Variants in SRPK1 observed in about 807,000 individuals in gnomAD.
SRPK1 encodes the protein SRSF protein kinase 1.
SRPK1 carries 52 observed loss-of-function variants against 89.5 expected under a neutral mutation model. The ratio of observed to expected loss-of-function variants is 0.58; its 90% CI spans 0.46 to 0.73. SRPK1 has a LOEUF of 0.73. Among genes scored for constraint, SRPK1 ranks in the 30% least tolerant of loss-of-function variants. SRPK1 has a pLI of 0.00. For missense variants in SRPK1, 603 were observed against 780.6 expected (o/e 0.77, Z 2.71); for synonymous variants, 255 against 270.2 (o/e 0.94, Z 0.55).
chr6:35,869,538 T>G lies in SRPK1; in HGVS notation c.1355A>C (p.Glu452Ala). The change falls in exon 11 of 16, where the codon GAG becomes GCG. Residue 452 changes from glutamate (E) to alanine (A), a missense_variant. Coordinates refer to ENST00000373825, the MANE Select transcript of SRPK1 (RefSeq NM_003137.5). ...ISQLQESIRA[E>A]IPCEDEQEQE... ...CTCTTGTTCATCTTCACAGGGTATC[T>G]CTGCCCGAATGCTTTCTTGAAGTTG... 3 of 1,614,002 alleles carry G rather than the reference T, an allele frequency of 1.9e-6. No individual in the cohort carries two copies. Among genetic ancestry groups the G allele is most frequent in the Non-Finnish European group, 2.5e-6 (3 of 1,179,888 alleles).
At chr6:35,856,017 G>A (rs192391865) in intron 13 of SRPK1, among the ~76,000 whole-genome samples, 202 of 152,264 alleles carry the variant, frequency 1.3e-3, no homozygotes, top group Admixed American at 3.1e-3. Flanking sequence ...ACGAGCCACC[G>A]TGGCCAGCCC....
chr6:35,860,106 C>T (rs1315632598), intron 12 of SRPK1, among the ~76,000 whole-genome samples: 2 of 151,974 alleles, frequency 1.3e-5, no homozygotes, highest in African/African-American at 2.4e-5. Context: ...CCTCGTGATC[C>T]GCCTGCCTCG....
At chr6:35,836,272 T>C (rs993152568) in intron 15 of SRPK1, among the ~76,000 whole-genome samples, 1 of 151,856 alleles carries the variant, frequency 6.6e-6, no homozygotes, top group African/African-American at 2.4e-5. Flanking sequence ...CACAGTTTTA[T>C]CTCCAAACCA....
At chr6:35,838,245 C>T in intron 15 of SRPK1, 92 bp downstream of exon 15, 3 of 851,004 alleles carry the variant, frequency 3.5e-6, no homozygotes, top group Non-Finnish European at 5.2e-6. Context: ...CAAGGCAGGC[C>T]CATCATTCTG....
intron 15 of SRPK1, among the ~76,000 whole-genome samples, chr6:35,838,044 A>G (rs998944621): frequency 6.6e-6 from 1 of 151,184 alleles, no homozygotes; most frequent in Non-Finnish European, 1.5e-5. Flanking sequence ...AATTTTTTGT[A>G]TTTTTAGTAG....
At chr6:35,874,421 T>C (rs1010022454) in intron 6 of SRPK1, 82 bp from the exon 7 acceptor site, 5 of 883,200 alleles carry the variant, frequency 5.7e-6, no homozygotes, top group East Asian at 2.6e-5. Context: ...CTATTAAATG[T>C]TATGTATTAT....
intron 2 of SRPK1, among the ~76,000 whole-genome samples, chr6:35,912,573 G>A (rs143206137): frequency 1.0e-3 from 157 of 152,274 alleles, no homozygotes; most frequent in African/African-American, 3.6e-3. Context: ...TGTGTGACTC[G>A]CTTTGAGGTG....
chr6:35,880,735 G>GAA (rs1238876364), intron 6 of SRPK1, among the ~76,000 whole-genome samples: 2 of 26,984 alleles, frequency 7.4e-5, no homozygotes, highest in Middle Eastern at 0.028. Flanking sequence ...AAAAAAAAAA[G>GAA]AAAAAAAAAA....
chr6:35,891,579 A>G (rs1284332788), intron 2 of SRPK1, among the ~76,000 whole-genome samples: 1 of 151,902 alleles, frequency 6.6e-6, no homozygotes, highest in African/African-American at 2.4e-5. Context: ...AAATTTGCCC[A>G]GCGTGGTGGT....
chr6:35,873,493 T>C (rs1434089370), intron 7 of SRPK1, among the ~76,000 whole-genome samples: 1 of 64,026 alleles, frequency 1.6e-5, no homozygotes. Flanking sequence ...AGCAATTAAC[T>C]TTTTTTTTTT....
At chr6:35,881,945 A>G (rs1160638983) in intron 6 of SRPK1, among the ~76,000 whole-genome samples, 1 of 152,048 alleles carries the variant, frequency 6.6e-6, no homozygotes, top group East Asian at 1.9e-4. Flanking sequence ...TTACAAGATG[A>G]AAAGTTATGA....
chr6:35,859,207 A>G (rs1199645996), intron 12 of SRPK1, among the ~76,000 whole-genome samples: 1 of 152,148 alleles, frequency 6.6e-6, no homozygotes, highest in Non-Finnish European at 1.5e-5. Flanking sequence ...ATTTTCCGGG[A>G]GGAAAAAAAT....
chr6:35,907,676 G>C (rs1015725248), intron 2 of SRPK1, among the ~76,000 whole-genome samples: 21 of 151,154 alleles, frequency 1.4e-4, no homozygotes, highest in African/African-American at 5.1e-4. Flanking sequence ...TTGCACTCCA[G>C]CCTGGGCAAT....
intron 14 of SRPK1, among the ~76,000 whole-genome samples, chr6:35,839,683 A>C (rs1489566571): frequency 1.4e-5 from 2 of 146,722 alleles, no homozygotes; most frequent in Admixed American, 6.8e-5. Context: ...AGAATATAAA[A>C]CTTTTTTTTT....
At chr6:35,836,424 GTCAATTATTA>G (rs1769181481) in intron 15 of SRPK1, among the ~76,000 whole-genome samples, 1 of 152,094 alleles carries the variant, frequency 6.6e-6, no homozygotes, top group African/African-American at 2.4e-5. Context: ...TTAAAAGATA[GTCAATTATTA>G]ATAGCTAAGG....
intron 2 of SRPK1, among the ~76,000 whole-genome samples, chr6:35,899,038 G>A (rs1770686258): frequency 1.3e-5 from 2 of 152,138 alleles, no homozygotes; most frequent in Admixed American, 1.3e-4. Context: ...GCGCGTGCCT[G>A]TAGTACCAGC....
intron 13 of SRPK1, among the ~76,000 whole-genome samples, chr6:35,853,887 G>GTT (rs140386198): frequency 3.5e-5 from 5 of 143,314 alleles, no homozygotes; most frequent in African/African-American, 7.7e-5. Flanking sequence ...TTCGGAGATT[G>GTT]TTTTTTTTTT....
rs1769610165 is a variant in SRPK1, at chr6:35,853,870, T to G, written c.1620+3391A>C. ...CAGTTATGGTCCTACCTGTCCTGAC[T>G]CCAGCATTCGGAGATTGTTTTTTTT... is the stretch of plus-strand genomic sequence containing the variant. On this transcript the variant is annotated intron_variant, in intron 13 of 15. Coordinates refer to ENST00000373825, the MANE Select transcript of SRPK1 (RefSeq NM_003137.5). 2.7e-5 allele frequency among the ~76,000 whole-genome samples: 4 copies of G among 147,922 alleles called. No homozygotes were observed. In the South Asian group the frequency reaches 8.8e-4, roughly 32 times the overall value.
chr6:35,888,106 T>C lies in SRPK1; in HGVS notation c.308A>G (p.Lys103Arg), dbSNP rs931805875. The C allele has an allele frequency of 7.5e-6, 12 of 1,604,636 alleles. No individual in the cohort carries two copies. The Admixed American group carries it at 1.2e-4, about 16-fold the overall frequency. ...TVWLSWDIQG[K>R]KFVAMKVVKS... ...AACTACTTTCATTGCCACAAATTTC[T>C]TCCCCCTAAGAAACAAACACAGGCA... is the stretch of plus-strand genomic sequence containing the variant. The change falls in exon 5 of 16, where the codon AAG (lysine) becomes AGG (arginine). Residue 103 changes from lysine to arginine, a missense_variant. Lys to Arg is a conservative substitution (Grantham distance 26). Transcript: ENST00000373825.
Sources: allele counts gnomAD v4.1 joint callset (sites outside exome capture counted in the v4.1 genomes callset), GRCh38; gene constraint gnomAD v4.1.1; transcripts MANE v1.5; gene names NCBI Gene and HGNC (gene_info 2026-07-23, HGNC 2026-07-21).